Variants in CNOT10 observed in about 807,000 individuals in gnomAD.
The protein encoded by CNOT10 is CCR4-NOT transcription complex, subunit 10.
In CNOT10, 30 loss-of-function variants were observed where a neutral mutation model predicts 94.6. The ratio of observed to expected loss-of-function variants is 0.32; its 90% CI spans 0.24 to 0.43. The LOEUF (loss-of-function observed/expected upper bound fraction) is 0.43, where lower values mean the gene tolerates loss of function less well. CNOT10 is among the 20% of genes least tolerant of loss of function. The pLI is 1.00. For synonymous variants in CNOT10, 289 were observed against 301.6 expected, an observed-to-expected ratio of 0.96 and a Z score of 0.43; for missense variants, 759 against 877.2, an observed-to-expected ratio of 0.87 and a Z score of 1.70.
chr3:32,717,135 A>G lies in CNOT10; in HGVS notation c.661-19A>G, dbSNP rs1274308342. ...AAATCCACCATAGTTTTAACATACTAACATTTTCCCTTTGACAGTACAAAG... is the reference window on the plus strand; with the variant it reads ...AAATCCACCATAGTTTTAACATACTGACATTTTCCCTTTGACAGTACAAAG... On this transcript the variant is annotated intron_variant, in intron 6 of 18. Transcript: ENST00000328834. 2.0e-6 allele frequency: 3 copies of G among 1,470,854 alleles called. No individual in the cohort carries two copies. The highest frequency in any genetic ancestry group is 2.8e-6 in the Non-Finnish European group (3 of 1,069,694). 91.1% of individuals were successfully genotyped at this position (1,470,854 alleles called of 1,614,324 possible). A position where few individuals can be genotyped will look rare whatever the true frequency, so the allele number is the denominator to read the frequency against.
intron 1 of CNOT10, among the ~76,000 whole-genome samples, chr3:32,687,982 G>A (rs556342252): frequency 2.6e-5 from 4 of 152,174 alleles, no homozygotes; most frequent in South Asian, 4.2e-4. Context: ...TATTTGTCAC[G>A]GAGGGTCTTG....
rs548244196 is a variant in CNOT10 at position 32,719,519 on chromosome 3, T to C, written c.745-595T>C. ...CTTTCGTACTCTAAACAGGTAGTAC[T>C]ATCTAGGGTCCTCCACCAGGAGGAT... On this transcript the variant is annotated intron_variant, in intron 7 of 18. Coordinates refer to ENST00000328834, the MANE Select transcript of CNOT10 (RefSeq NM_015442.3). 1.6e-3 allele frequency among the ~76,000 whole-genome samples: 247 copies of C among 152,314 alleles called. 1 individual carries two copies. The highest frequency in any genetic ancestry group is 5.8e-3 in the African/African-American group (240 of 41,572).
chr3:32,772,918 T>C (rs1700976691), intron 18 of CNOT10, among the ~76,000 whole-genome samples: 1 of 152,204 alleles, frequency 6.6e-6, no homozygotes, highest in Admixed American at 6.5e-5. Context: ...CAGGCTGGAA[T>C]GTAGTGGCGT....
chr3:32,770,567 T>C (rs1363656616), intron 18 of CNOT10, among the ~76,000 whole-genome samples: 1 of 152,030 alleles, frequency 6.6e-6, no homozygotes, highest in African/African-American at 2.4e-5. Context: ...CCTCATGATC[T>C]GCCCACCTCG....
chr3:32,733,064 G>A (rs564924796), intron 10 of CNOT10, among the ~76,000 whole-genome samples: 9 of 152,100 alleles, frequency 5.9e-5, no homozygotes, highest in Non-Finnish European at 1.3e-4. Context: ...ACTATTTTGG[G>A]CTCTCTTATT....
intron 1 of CNOT10, among the ~76,000 whole-genome samples, chr3:32,692,046 G>A (rs1211304242): frequency 7.5e-6 from 1 of 132,540 alleles, no homozygotes; most frequent in Non-Finnish European, 1.6e-5. Context: ...GTGAGACCCT[G>A]TCACCAAAAA....
intron 10 of CNOT10, 34 bp from the exon 11 acceptor site, chr3:32,733,389 C>A: frequency 2.0e-6 from 3 of 1,495,558 alleles, no homozygotes; most frequent in South Asian, 1.3e-5. Context: ...TTACAATTCC[C>A]TTAAATTTAT....
At chr3:32,756,070 G>A (rs766559079) in intron 13 of CNOT10, among the ~76,000 whole-genome samples, 4 of 152,266 alleles carry the variant, frequency 2.6e-5, no homozygotes, top group South Asian at 4.1e-4. Flanking sequence ...TGCTTCTAGC[G>A]TTAGCAGTCT....
chr3:32,705,642 A>C (rs1697586490), intron 3 of CNOT10, among the ~76,000 whole-genome samples: 1 of 152,156 alleles, frequency 6.6e-6, no homozygotes, highest in African/African-American at 2.4e-5. Context: ...TAGCTGTGTA[A>C]ATTGTCCAAA....
chr3:32,744,169 G>A (rs998779614), intron 13 of CNOT10, among the ~76,000 whole-genome samples: 2 of 152,150 alleles, frequency 1.3e-5, no homozygotes, highest in Non-Finnish European at 2.9e-5. Flanking sequence ...TCTGTGGCAG[G>A]AGCCAGCTGT....
At chr3:32,698,847 A>G (rs1697199463) in intron 1 of CNOT10, among the ~76,000 whole-genome samples, 2 of 152,256 alleles carry the variant, frequency 1.3e-5, no homozygotes, top group African/African-American at 2.4e-5. Flanking sequence ...GTGCTTTGGC[A>G]CAATCTCAGC....
chr3:32,707,048 A>G (rs186922844), intron 3 of CNOT10, among the ~76,000 whole-genome samples: 1 of 152,340 alleles, frequency 6.6e-6, no homozygotes, highest in East Asian at 1.9e-4. Context: ...CATGTACTGT[A>G]TATCAGAGTT....
intron 13 of CNOT10, among the ~76,000 whole-genome samples, chr3:32,743,038 G>T (rs1341102976): frequency 1.4e-5 from 2 of 146,966 alleles, no homozygotes; most frequent in East Asian, 4.1e-4. Flanking sequence ...CCAGGCTGGA[G>T]TGCAATGGTG....
intron 13 of CNOT10, among the ~76,000 whole-genome samples, chr3:32,749,484 A>G (rs1012941132): frequency 2.0e-4 from 29 of 141,648 alleles, no homozygotes; most frequent in Non-Finnish European, 4.3e-4. Context: ...ATCTCGGCTC[A>G]CCTCAACCTC....
intron 14 of CNOT10, among the ~76,000 whole-genome samples, chr3:32,761,517 C>T (rs1360933968): frequency 2.6e-5 from 4 of 151,700 alleles, no homozygotes; most frequent in African/African-American, 4.8e-5. Flanking sequence ...CTCAGCCTCC[C>T]GAGTAGCTGG....
At chr3:32,741,625 C>A (rs1699467113) in intron 13 of CNOT10, among the ~76,000 whole-genome samples, 1 of 151,962 alleles carries the variant, frequency 6.6e-6, no homozygotes, top group Admixed American at 6.6e-5. Context: ...AAAAATTAGC[C>A]AGGCATGGTG....
Position 32,764,550 on chromosome 3 carries a change from C to T in CNOT10, c.1876+60C>T, listed in dbSNP as rs1210147963. On this transcript the variant is annotated intron_variant, in intron 16 of 18. Transcript: ENST00000328834. ...GGCCTGCATCCCAAAAATTTAGATT[C>T]TAAATCTTCTGTGTTCGTTTTTCTG... 5.0e-6 allele frequency: 8 copies of T among 1,604,706 alleles called. No individual in the cohort carries two copies. In the South Asian group the frequency reaches 6.7e-5, roughly 13 times the overall value.
chr3:32,698,204 CA>C (rs1255248559), intron 1 of CNOT10, among the ~76,000 whole-genome samples: 1 of 152,196 alleles, frequency 6.6e-6, no homozygotes, highest in Non-Finnish European at 1.5e-5. Flanking sequence ...AAACTTTATT[CA>C]CTTAACTCTT....
chr3:32,752,086 CG>C (rs11365143), intron 13 of CNOT10, among the ~76,000 whole-genome samples: 5,972 of 152,056 alleles, frequency 0.039, 187 homozygotes, highest in African/African-American at 0.079. Context: ...GTTGGGATTT[CG>C]GGACCAGCCT....
Sources: allele counts gnomAD v4.1 joint callset (sites outside exome capture counted in the v4.1 genomes callset), GRCh38; gene constraint gnomAD v4.1.1; transcripts MANE v1.5; gene names NCBI Gene and HGNC (gene_info 2026-07-23, HGNC 2026-07-21).